Variants in NRXN1 observed in about 807,000 individuals in gnomAD.
NRXN1 encodes neurexin 1.
NRXN1 carries 39 observed loss-of-function variants against 150.9 expected under a neutral mutation model. The observed-to-expected ratio is 0.26, with a 90% CI of 0.20 to 0.34. NRXN1 has a LOEUF of 0.34. Ranked by LOEUF, NRXN1 falls within the 10% of genes least tolerant of loss-of-function variation. The pLI is 1.00. For synonymous variants in NRXN1, 924 were observed against 757.0 expected (o/e 1.22, Z -3.62); for missense variants, 1,815 against 1,949.9 (o/e 0.93, Z 1.30).
intron 21 of NRXN1, among the ~76,000 whole-genome samples, chr2:50,031,491 G>A (rs1689172068): frequency 6.6e-6 from 1 of 151,432 alleles, no homozygotes; most frequent in Non-Finnish European, 1.5e-5. Flanking sequence ...CTTAGCCAAT[G>A]AGTTACTTTT....
At position 50,871,523 on chromosome 2, in the gene NRXN1, G is replaced by A. The variant is rs184373640; in HGVS notation, c.832+50346C>T. On this transcript the variant is annotated intron_variant, in intron 5 of 22. Transcript: ENST00000401669. ...GTACAATAAATTATGCTAAGTAAAT[G>A]AGATAATTATTCATTCAATTTAAGA... 3.9e-5 allele frequency among the ~76,000 whole-genome samples: 6 copies of A among 151,964 alleles called. No homozygotes were observed. In the East Asian group the frequency reaches 1.2e-3, roughly 30 times the overall value.
At chr2:51,015,861 G>GA (rs1291182998) in intron 2 of NRXN1, among the ~76,000 whole-genome samples, 2 of 151,726 alleles carry the variant, frequency 1.3e-5, no homozygotes, top group African/African-American at 4.8e-5. Context: ...GTTACCATTT[G>GA]AAAAAAACTA....
At chr2:50,919,662 A>C (rs937183172) in intron 5 of NRXN1, 2 of 151,924 alleles carry the variant, frequency 1.3e-5, no homozygotes, top group Admixed American at 6.6e-5. Flanking sequence ...TCAGTTATAT[A>C]AACTGTCCAG....
intron 2 of NRXN1, among the ~76,000 whole-genome samples, chr2:51,017,628 C>T (rs1006483870): frequency 4.2e-5 from 6 of 142,858 alleles, no homozygotes; most frequent in African/African-American, 1.6e-4. Context: ...ACTGGGATTA[C>T]CTTATTTCCT....
chr2:50,253,490 A>C (rs890330270), intron 17 of NRXN1, among the ~76,000 whole-genome samples: 1 of 152,124 alleles, frequency 6.6e-6, no homozygotes, highest in African/African-American at 2.4e-5. Flanking sequence ...GTCTTGTGTC[A>C]GTTTTCAAGA....
chr2:50,476,901 A>G lies in NRXN1; in HGVS notation c.3071-4430T>C, dbSNP rs939195117. ...ACAAAGCGATTAAGAGGACAAAAAA[A>G]CTCTATGAAGCCCAAGGGCCAGGTT... is the stretch of plus-strand genomic sequence containing the variant. On this transcript the variant is annotated intron_variant, in intron 15 of 22. Coordinates refer to ENST00000401669, the MANE Select transcript of NRXN1 (RefSeq NM_001330078.2). Among the ~76,000 whole-genome samples the G allele has an allele frequency of 2.7e-3, 413 of 152,210 alleles. 4 individuals carry two copies. The highest frequency in any genetic ancestry group is 9.4e-3 in the African/African-American group (389 of 41,556).
chr2:49,931,697 GTA>G (rs1439881106), intron 22 of NRXN1, among the ~76,000 whole-genome samples: 1 of 152,002 alleles, frequency 6.6e-6, no homozygotes, highest in African/African-American at 2.4e-5. Flanking sequence ...CAGAGAGTCT[GTA>G]TATGTTTTTC....
intron 5 of NRXN1, among the ~76,000 whole-genome samples, chr2:50,700,382 C>G (rs569859212): frequency 6.6e-6 from 1 of 152,102 alleles, no homozygotes; most frequent in African/African-American, 2.4e-5. Flanking sequence ...TTTGCTGGGC[C>G]AATGGCAATT....
intron 5 of NRXN1, among the ~76,000 whole-genome samples, chr2:50,775,887 GC>G (rs1220309381): frequency 6.6e-6 from 1 of 152,034 alleles, no homozygotes; most frequent in Non-Finnish European, 1.5e-5. Flanking sequence ...GGAATGAGAA[GC>G]ATTATCTCTA....
At chr2:50,818,870 G>A (rs1354262105) in intron 5 of NRXN1, among the ~76,000 whole-genome samples, 1 of 152,074 alleles carries the variant, frequency 6.6e-6, no homozygotes, top group Non-Finnish European at 1.5e-5. Context: ...TTAGACATTT[G>A]TTCCAAGAAA....
chr2:50,077,929 T>TA (rs1697345233), intron 19 of NRXN1, among the ~76,000 whole-genome samples: 1 of 152,092 alleles, frequency 6.6e-6, no homozygotes. Flanking sequence ...AGCTGCTTTT[T>TA]AACACAGTTA....
At chr2:50,121,589 A>T (rs1307934821) in intron 18 of NRXN1, among the ~76,000 whole-genome samples, 1 of 152,156 alleles carries the variant, frequency 6.6e-6, no homozygotes, top group East Asian at 1.9e-4. Flanking sequence ...ATGTTTCTGG[A>T]ACCAATCCTT....
chr2:50,850,231 GAAAA>G (rs539460509), intron 5 of NRXN1, among the ~76,000 whole-genome samples: 2 of 72,832 alleles, frequency 2.7e-5, no homozygotes, highest in East Asian at 4.1e-4. Context: ...TGTCTCGACA[GAAAA>G]AAAAAAAAAA....
At chr2:50,767,128 G>C (rs890182519) in intron 5 of NRXN1, among the ~76,000 whole-genome samples, 5 of 152,022 alleles carry the variant, frequency 3.3e-5, no homozygotes, top group Admixed American at 3.3e-4. Context: ...GTCTTGCTTA[G>C]TCAAATTTGA....
At chr2:50,216,808 T>C (rs1397144788) in intron 18 of NRXN1, among the ~76,000 whole-genome samples, 1 of 152,060 alleles carries the variant, frequency 6.6e-6, no homozygotes, top group Non-Finnish European at 1.5e-5. Flanking sequence ...ATTTCAGATT[T>C]GGGTGTGATT....
chr2:50,933,427 T>A (rs1465326934), intron 2 of NRXN1, among the ~76,000 whole-genome samples: 1 of 152,074 alleles, frequency 6.6e-6, no homozygotes, highest in Non-Finnish European at 1.5e-5. Flanking sequence ...GTGTAGTAAA[T>A]CTCCTGGGAA....
At chr2:50,063,688 T>C (rs967428859) in intron 19 of NRXN1, among the ~76,000 whole-genome samples, 1 of 152,106 alleles carries the variant, frequency 6.6e-6, no homozygotes, top group African/African-American at 2.4e-5. Context: ...ATTATTCTAC[T>C]TAATGAATTC....
At position 49,946,639 on chromosome 2, in the gene NRXN1, A is replaced by G. The variant is rs185467561; in HGVS notation, c.4129-2848T>C. Among the ~76,000 whole-genome samples, 992 of 152,262 alleles carry G rather than the reference A, an allele frequency of 6.5e-3. 8 individuals are homozygous for G. Among genetic ancestry groups the G allele is most frequent in the African/African-American group, 0.022 (922 of 41,556 alleles). ...TCCCAACACCATTTATTAAATAGGG[A>G]ATCCTTTCCTCATTCCTTGTTTTTG... On this transcript the variant is annotated intron_variant, in intron 21 of 22. Transcript: ENST00000401669.
intron 17 of NRXN1, among the ~76,000 whole-genome samples, chr2:50,385,639 C>A (rs769081212): frequency 2.0e-5 from 3 of 152,122 alleles, no homozygotes; most frequent in Non-Finnish European, 4.4e-5. Context: ...ACAGCTGATT[C>A]CCTTTCTAGG....
Sources: allele counts gnomAD v4.1 joint callset (sites outside exome capture counted in the v4.1 genomes callset), GRCh38; gene constraint gnomAD v4.1.1; transcripts MANE v1.5; gene names NCBI Gene and HGNC (gene_info 2026-07-23, HGNC 2026-07-21).